Variants in STK38L observed in about 807,000 individuals in gnomAD.
STK38L encodes serine/threonine kinase 38 like.
STK38L carries 28 observed loss-of-function variants against 59.7 expected under a neutral mutation model. That is an observed-to-expected ratio of 0.47 (90% CI 0.35 to 0.64). The LOEUF (loss-of-function observed/expected upper bound fraction) is 0.64. Ranked by LOEUF, STK38L falls within the 30% of genes least tolerant of loss-of-function variation. The pLI is 0.01. For synonymous variants in STK38L, 162 were observed against 176.8 expected (o/e 0.92, Z 0.66); for missense variants, 314 against 555.8 (o/e 0.56, Z 4.37).
intron 1 of STK38L, among the ~76,000 whole-genome samples, chr12:27,273,225 A>C (rs1943461911): frequency 6.6e-6 from 1 of 152,122 alleles, no homozygotes; most frequent in Non-Finnish European, 1.5e-5. Flanking sequence ...TTTATGGAGA[A>C]GAATGGGAGT....
At chr12:27,267,572 G>A (rs1459958903) in intron 1 of STK38L, among the ~76,000 whole-genome samples, 2 of 152,218 alleles carry the variant, frequency 1.3e-5, no homozygotes, top group Non-Finnish European at 2.9e-5. Context: ...CTCCTATTCT[G>A]CATGTGCAGG....
intron 3 of STK38L, among the ~76,000 whole-genome samples, chr12:27,306,011 C>T (rs534441034): frequency 6.6e-6 from 1 of 152,178 alleles, no homozygotes; most frequent in South Asian, 2.1e-4. Context: ...GATTCAGCTA[C>T]CTCTGGACTG....
At chr12:27,277,415 C>T (rs1181060180) in intron 1 of STK38L, among the ~76,000 whole-genome samples, 3 of 148,906 alleles carry the variant, frequency 2.0e-5, no homozygotes, top group Non-Finnish European at 4.5e-5. Context: ...CACACACACA[C>T]ACACACAGCA....
rs778752373 is a variant in STK38L at position 27,312,670 on chromosome 12, G to T, written c.515G>T (p.Gly172Val). The change falls in exon 6 of 14, where the codon GGA becomes GTA. Residue 172 changes from glycine to valine, a missense_variant and splice_region_variant. Transcript: ENST00000389032. ...NLYLIMEFLP[G>V]GDMMTLLMKK... Reference sequence around the variant, plus strand: ...TATCTAATCATGGAATTTCTCCCTGGAGGTAAAAGCAAACATTGTATCAAT... The same window carrying T: ...TATCTAATCATGGAATTTCTCCCTGTAGGTAAAAGCAAACATTGTATCAAT... The T allele has an allele frequency of 6.2e-7, 1 of 1,613,762 alleles. No homozygotes were observed. Among genetic ancestry groups the T allele is most frequent in the Non-Finnish European group, 8.5e-7 (1 of 1,179,916 alleles).
At chr12:27,274,363 T>C (rs1943488023) in intron 1 of STK38L, among the ~76,000 whole-genome samples, 1 of 152,198 alleles carries the variant, frequency 6.6e-6, no homozygotes, top group South Asian at 2.1e-4. Context: ...AGAACTTAAC[T>C]ATCCTCTCCA....
intron 12 of STK38L, among the ~76,000 whole-genome samples, 159 bp from the exon 13 acceptor site, chr12:27,321,984 A>G (rs1454844950): frequency 6.6e-6 from 1 of 152,170 alleles, no homozygotes; most frequent in African/African-American, 2.4e-5. Flanking sequence ...ATTATACTCA[A>G]CTATTTTGAA....
At chr12:27,287,474 G>GT (rs1023508447) in intron 1 of STK38L, among the ~76,000 whole-genome samples, 2 of 152,042 alleles carry the variant, frequency 1.3e-5, no homozygotes, top group African/African-American at 4.8e-5. Context: ...TTTTAATCTT[G>GT]TTTGATATAC....
chr12:27,282,835 A>G (rs1478855782), intron 1 of STK38L, among the ~76,000 whole-genome samples: 1 of 152,200 alleles, frequency 6.6e-6, no homozygotes, highest in African/African-American at 2.4e-5. Flanking sequence ...ATTAGTTTAA[A>G]ACTATGGCGC....
intron 1 of STK38L, among the ~76,000 whole-genome samples, chr12:27,267,106 T>A (rs186537269): frequency 0.015 from 2,211 of 152,354 alleles, 22 homozygotes; most frequent in Non-Finnish European, 0.024. Flanking sequence ...GTTACTTTCC[T>A]AGTCTGAAAT....
intron 3 of STK38L, among the ~76,000 whole-genome samples, chr12:27,306,617 T>C (rs1177302367): frequency 6.6e-6 from 1 of 152,148 alleles, no homozygotes; most frequent in Non-Finnish European, 1.5e-5. Context: ...TTCTTAATTA[T>C]ATCAATGTAA....
intron 1 of STK38L, among the ~76,000 whole-genome samples, chr12:27,281,848 A>T (rs993412524): frequency 6.6e-6 from 1 of 152,092 alleles, no homozygotes; most frequent in African/African-American, 2.4e-5. Flanking sequence ...CACCCTGGCC[A>T]ACATGGTGGA....
In STK38L at chr12:27,315,098, C is replaced by A. The variant is rs146061018; in HGVS notation, c.756C>A (p.His252Gln). The A allele has an allele frequency of 3.7e-6, 6 of 1,613,478 alleles. No homozygotes were observed. In the African/African-American group the frequency reaches 8.0e-5, roughly 22 times the overall value. The stretch of plus-strand genomic sequence containing the variant: ...CTGAATTTTATAGAAATCTCACACA[C>A]AACCCACCAAGTGACTTCTGTAAGT... ...HRTEFYRNLT[H>Q]NPPSDFSFQN... Residue 252 changes from histidine to glutamine, a missense_variant, in exon 8 of 14, where the codon CAC (histidine) becomes CAA (glutamine). This residue lies in a region of STK38L where 192 missense variants were observed against 316.9 expected (regional missense o/e 0.61). Coordinates refer to ENST00000389032, the MANE Select transcript of STK38L (RefSeq NM_015000.4).
At chr12:27,261,907 T>C (rs1043915571) in intron 1 of STK38L, among the ~76,000 whole-genome samples, 1 of 152,238 alleles carries the variant, frequency 6.6e-6, no homozygotes, top group Non-Finnish European at 1.5e-5. Context: ...GCCTTACATA[T>C]TATTAACTAA....
intron 1 of STK38L, among the ~76,000 whole-genome samples, chr12:27,278,955 T>A (rs566243074): frequency 3.6e-4 from 55 of 152,130 alleles, no homozygotes; most frequent in Non-Finnish European, 7.2e-4. Context: ...TATGAAAAAG[T>A]ATAATAATTT....
chr12:27,247,295 A>T (rs1942874955), intron 1 of STK38L, among the ~76,000 whole-genome samples: 1 of 152,182 alleles, frequency 6.6e-6, no homozygotes, highest in African/African-American at 2.4e-5. Context: ...CAGGATTCTG[A>T]CCCAGGCATT....
chr12:27,289,980 A>C (rs1272680026), intron 1 of STK38L, among the ~76,000 whole-genome samples: 2 of 152,228 alleles, frequency 1.3e-5, no homozygotes, highest in Admixed American at 6.5e-5. Context: ...TAAATTTACA[A>C]ACTAACTGAC....
intron 1 of STK38L, among the ~76,000 whole-genome samples, chr12:27,260,491 G>A (rs1291529305): frequency 6.6e-6 from 1 of 151,992 alleles, no homozygotes; most frequent in Non-Finnish European, 1.5e-5. Flanking sequence ...GTCTTTGCGG[G>A]GTTTTACACG....
intron 1 of STK38L, among the ~76,000 whole-genome samples, chr12:27,271,567 T>C (rs944944924): frequency 2.0e-5 from 3 of 152,230 alleles, no homozygotes; most frequent in Non-Finnish European, 2.9e-5. Flanking sequence ...GTTTTAAATA[T>C]TCCACAGAGG....
At chr12:27,284,438 A>G (rs550493768) in intron 1 of STK38L, among the ~76,000 whole-genome samples, 1 of 152,366 alleles carries the variant, frequency 6.6e-6, no homozygotes, top group Non-Finnish European at 1.5e-5. Flanking sequence ...GATGGTCTGT[A>G]TATCACTTAA....
Sources: gnomAD v4.1 joint callset for allele counts (sites outside exome capture counted in the v4.1 genomes callset) on GRCh38, gnomAD v4.1.1 for gene constraint, gnomAD v4.1.1 regional missense constraint, MANE v1.5 for transcripts, NCBI Gene and HGNC (gene_info 2026-07-23, HGNC 2026-07-21) for gene names.